POLE: variants seen among roughly 807,000 people sequenced by gnomAD.
The protein encoded by POLE is DNA polymerase epsilon catalytic subunit A.
In POLE, 188 loss-of-function variants were observed where a neutral mutation model predicts 279.2. That is an observed-to-expected ratio of 0.67 (90% confidence interval 0.60 to 0.76). The LOEUF (loss-of-function observed/expected upper bound fraction) is 0.76. Ranked by LOEUF, POLE falls within the 30% of genes least tolerant of loss-of-function variation. POLE has a pLI of 0.00. For synonymous variants in POLE, 1,214 were observed against 1,172.5 expected (o/e 1.04, Z -0.72); for missense variants, 2,703 against 3,016.7 (o/e 0.90, Z 2.44).
rs1555228569 is a variant in POLE, at chr12:132,673,569, A to T, written c.1359+6T>A. ...AGCAGGGGCAGCCGGGATGTGGCTT[A>T]CGTGCCTGGGGCTGCTCCGTGGCCA... On this transcript the variant is annotated splice_donor_region_variant and intron_variant, in intron 13 of 48. Transcript: ENST00000320574. 6.2e-6 allele frequency: 10 copies of T among 1,602,230 alleles called. No individual in the cohort carries two copies. The highest frequency in any genetic ancestry group is 7.7e-6 in the Non-Finnish European group (9 of 1,173,650).
At chr12:132,627,219 T>C (rs1241178011) in intron 45 of POLE, among the ~76,000 whole-genome samples, 1 of 151,918 alleles carries the variant, frequency 6.6e-6, no homozygotes, top group African/African-American at 2.4e-5. Flanking sequence ...GAGGTGGAGG[T>C]TGCAGTTAGC....
chr12:132,679,705 G>A (rs2043127703), intron 5 of POLE, 54 bp from the exon 6 acceptor site: 1 of 1,566,788 alleles, frequency 6.4e-7, no homozygotes, highest in South Asian at 1.1e-5. Flanking sequence ...GACTTTATGG[G>A]TGAGAGGGTA....
chr12:132,681,727 G>A (rs2043171749), intron 1 of POLE, among the ~76,000 whole-genome samples: 1 of 152,166 alleles, frequency 6.6e-6, no homozygotes, highest in Non-Finnish European at 1.5e-5. Flanking sequence ...ACACAATTAG[G>A]GCAGGCCCTT....
rs1230046785 is a variant in POLE at position 132,643,991 on chromosome 12, G to A, written c.4150-14C>T. 5.0e-6 allele frequency: 8 copies of A among 1,609,280 alleles called. No individual in the cohort carries two copies. The highest frequency in any genetic ancestry group is 2.2e-5 in the East Asian group (1 of 44,766). ...GACCCGATTTACCTGGCGAGAATACGACGATGATCTCGTCACTGGGCGTAA... is the reference window on the plus strand; with the variant it reads ...GACCCGATTTACCTGGCGAGAATACAACGATGATCTCGTCACTGGGCGTAA... On this transcript the variant is annotated splice_polypyrimidine_tract_variant and intron_variant, in intron 32 of 48. Coordinates refer to ENST00000320574, the MANE Select transcript of POLE (RefSeq NM_006231.4).
rs5744797 is a variant in POLE, at chr12:132,668,961, G to A, written c.1795-22C>T. The A allele has an allele frequency of 1.6e-3, 2,619 of 1,609,520 alleles. 29 individuals carry two copies. In the African/African-American group the frequency reaches 0.031, roughly 19 times the overall value. On this transcript the variant is annotated intron_variant, in intron 16 of 48. Transcript: ENST00000320574. The surrounding 1 kb of genome is among the most constrained non-coding windows in gnomAD (Gnocchi z 4.0). ...ACACCTGCAGAGAAAGCGAAACTCA[G>A]TAGAGGCTGGTGACCAAGCTTGCCT...
At chr12:132,679,391 C>T (rs2043119311) in intron 6 of POLE, 106 bp downstream of exon 6, 1 of 1,146,142 alleles carries the variant, frequency 8.7e-7, no homozygotes, top group Admixed American at 2.3e-5. Flanking sequence ...TTTTCCGTAT[C>T]AAACAGAGCC....
intron 8 of POLE, 44 bp downstream of exon 8, chr12:132,677,319 A>G (rs1401745413): frequency 6.2e-6 from 9 of 1,444,178 alleles, no homozygotes; most frequent in Non-Finnish European, 7.8e-6. Flanking sequence ...TTCTCTCCAG[A>G]AAACTGGAAA....
At chr12:132,667,675 A>T (rs1397686653) in intron 19 of POLE, 27 bp from the exon 20 acceptor site, 10 of 1,612,470 alleles carry the variant, frequency 6.2e-6, no homozygotes, top group Non-Finnish European at 8.5e-6. Context: ...TGGGCAGAGC[A>T]GGTGGGTGAG....
rs543790397 is a variant in POLE at position 132,655,808 on chromosome 12, C to T, written c.3582+1328G>A. 6.6e-5 allele frequency among the ~76,000 whole-genome samples: 10 copies of T among 152,190 alleles called. No individual in the cohort carries two copies. The South Asian group carries it at 8.3e-4, about 13-fold the overall frequency. On this transcript the variant is annotated intron_variant, in intron 29 of 48. Transcript: ENST00000320574. The stretch of plus-strand genomic sequence containing the variant: ...TTTTGGTTAACATTTACCTGGTATA[C>T]GTATTTTTTACTCCTTTTGCTTTTC...
In POLE at chr12:132,673,964, C is replaced by T. The variant is rs5744773; in HGVS notation, c.1227-257G>A. On this transcript the variant is annotated intron_variant, in intron 12 of 48. Coordinates refer to ENST00000320574, the MANE Select transcript of POLE (RefSeq NM_006231.4). Reference sequence around the variant, plus strand: ...CCGGCCCTCGCCTTCCTCCCATCCTCAGCAGAGTTTGTGGCCTCTCCGACG... The same window carrying T: ...CCGGCCCTCGCCTTCCTCCCATCCTTAGCAGAGTTTGTGGCCTCTCCGACG... Among the ~76,000 whole-genome samples the T allele has an allele frequency of 0.076, 11,529 of 152,202 alleles. 629 individuals are homozygous for T. Among genetic ancestry groups the T allele is most frequent in the Non-Finnish European group, 0.12 (8,164 of 67,986 alleles).
Position 132,680,701 on chromosome 12 carries a change from A to G in POLE, c.205-14T>C, listed in dbSNP as rs1487070883. ...TAAAATCTCGGTCTACAAGAGAATC[A>G]GTCAACACAGACACAAGACCATCCT... is the stretch of plus-strand genomic sequence containing the variant. On this transcript the variant is annotated splice_polypyrimidine_tract_variant and intron_variant, in intron 2 of 48. Coordinates refer to ENST00000320574, the MANE Select transcript of POLE (RefSeq NM_006231.4). 6.3e-7 allele frequency: 1 copy of G among 1,599,508 alleles called. No homozygotes were observed. The highest frequency in any genetic ancestry group is 8.6e-7 in the Non-Finnish European group (1 of 1,166,646).
chr12:132,650,174 A>C, intron 29 of POLE: 1 of 413,712 alleles, frequency 2.4e-6, no homozygotes, highest in South Asian at 3.2e-5. Flanking sequence ...ACACCACTGA[A>C]CTCCAGCCTG....
At position 132,632,301 on chromosome 12, in the gene POLE, G is replaced by A. The variant is rs749429695; in HGVS notation, c.6330+14C>T. 3 of 1,607,396 alleles carry A rather than the reference G, an allele frequency of 1.9e-6. No individual in the cohort carries two copies. In the South Asian group the frequency reaches 3.3e-5, roughly 18 times the overall value. On this transcript the variant is annotated intron_variant, in intron 45 of 48. Coordinates refer to ENST00000320574, the MANE Select transcript of POLE (RefSeq NM_006231.4). ...GTTAGTGTCCTCTCCTCACACGCAC[G>A]CTGGCACTCTCACCTTGCACACGTA...
rs1467498021 is a variant in POLE, at chr12:132,681,226, T to C, written c.116A>G (p.Gln39Arg). 1 of 1,614,196 alleles carries C rather than the reference T, an allele frequency of 6.2e-7. No homozygotes were observed. ...CCGCAAATCCATCTTATCCGTCCAC[T>C]GACTCCGTTCCAGGCGCTTGAGTGC... ...VSALKRLERS[Q>R]WTDKMDLRFG... is the part of the protein sequence containing the mutation. The change falls in exon 2 of 49, where the codon CAG becomes CGG. Residue 39 changes from glutamine (Q) to arginine (R), a missense_variant. By Grantham distance (43) the Gln-to-Arg change is conservative. Around this residue, in one of 5 missense-constraint regions of POLE, gnomAD observed 1,011 missense variants for 1,111.7 expected, o/e 0.91. Transcript: ENST00000320574.
chr12:132,676,216 C>A lies in POLE; in HGVS notation c.910-12G>T, dbSNP rs754352820. 6.4e-7 allele frequency: 1 copy of A among 1,561,038 alleles called. No homozygotes were observed. Among genetic ancestry groups the A allele is most frequent in the Admixed American group, 1.7e-5 (1 of 59,710 alleles). ...GTGATGAGGTAGCCCTAGCCAAGTT[C>A]ATTAGCAATCAGCACAAGTCAGAGG... On this transcript the variant is annotated splice_polypyrimidine_tract_variant and intron_variant, in intron 9 of 48. Coordinates refer to ENST00000320574, the MANE Select transcript of POLE (RefSeq NM_006231.4).
intron 16 of POLE, among the ~76,000 whole-genome samples, chr12:132,670,879 T>C (rs1196077393): frequency 6.6e-6 from 1 of 152,240 alleles, no homozygotes; most frequent in Non-Finnish European, 1.5e-5. Flanking sequence ...TAATAATGGA[T>C]GTGGCTGACA....
At chr12:132,656,290 G>A (rs1017182160) in intron 29 of POLE, among the ~76,000 whole-genome samples, 1 of 152,082 alleles carries the variant, frequency 6.6e-6, no homozygotes, top group Non-Finnish European at 1.5e-5. Context: ...TGGGGGGCAG[G>A]GGAAAGAATA....
Position 132,668,226 on chromosome 12 carries a change from G to A in POLE, c.2173+130C>T. 1 of 1,027,792 alleles carries A rather than the reference G, an allele frequency of 9.7e-7. No homozygotes were observed. The highest frequency in any genetic ancestry group is 1.4e-6 in the Non-Finnish European group (1 of 722,718). 63.7% of individuals were successfully genotyped at this position (1,027,792 alleles called of 1,614,324 possible). ...TGAGAGCACAGCTTACAGTGACCTAGAGCAGCTTCTGGTCTGCTGTGACAA... is the reference window on the plus strand; with the variant it reads ...TGAGAGCACAGCTTACAGTGACCTAAAGCAGCTTCTGGTCTGCTGTGACAA... On this transcript the variant is annotated intron_variant, in intron 19 of 48. Transcript: ENST00000320574. This position sits in a 1 kb window ranked among gnomAD's most constrained non-coding sequence, Gnocchi z 4.0.
chr12:132,679,923 T>C, intron 5 of POLE, 31 bp downstream of exon 5: 1 of 1,496,684 alleles, frequency 6.7e-7, no homozygotes, highest in South Asian at 1.2e-5. Flanking sequence ...TCTGGCCTCA[T>C]TTACCCCTGG....
Sources: allele counts gnomAD v4.1 joint callset (sites outside exome capture counted in the v4.1 genomes callset), GRCh38; gene constraint gnomAD v4.1.1; regional missense constraint gnomAD v4.1.1; non-coding constraint Gnocchi (gnomAD v3.1); transcripts MANE v1.5; gene names NCBI Gene and HGNC (gene_info 2026-07-23, HGNC 2026-07-21).